Variants in DAB1 observed in about 807,000 individuals in gnomAD.
The protein encoded by DAB1 is disabled homolog 1.
DAB1 carries 15 observed loss-of-function variants against 64.6 expected under a neutral mutation model. That is an observed-to-expected ratio of 0.23 (90% CI 0.16 to 0.36). The LOEUF (loss-of-function observed/expected upper bound fraction) is 0.36, where lower values mean the gene tolerates loss of function less well. DAB1 is among the 10% of genes least tolerant of loss of function. The probability of loss-of-function intolerance (pLI) is 1.00; values close to 1 mark genes in which losing one functional copy is unlikely to be tolerated. For missense variants in DAB1, 596 were observed against 706.7 expected (o/e 0.84, Z 1.78); for synonymous variants, 235 against 251.9 (o/e 0.93, Z 0.64).
intron 7 of DAB1, among the ~76,000 whole-genome samples, chr1:57,528,849 AC>A (rs1163839742): frequency 1.3e-5 from 2 of 152,134 alleles, no homozygotes; most frequent in Non-Finnish European, 2.9e-5. Flanking sequence ...AAGGAAAGTA[AC>A]TAAATATTCA....
rs66787863 is a variant in DAB1, at chr1:58,422,812, C to CA, written n.258-79410dup. Among the ~76,000 whole-genome samples the CA allele has an allele frequency of 2.2e-3, 326 of 149,042 alleles. 2 individuals carry two copies. The highest frequency in any genetic ancestry group is 6.3e-3 in the African/African-American group (254 of 40,468). ...AGTGGAGCCTCTGCTAATGCTACTG[C>CA]AAAAAAAAAGAAAAAAATCAAGCCT... On this transcript the variant is annotated intron_variant and non_coding_transcript_variant, in intron 3 of 20. Coordinates refer to the DAB1 transcript ENST00000485760.
At chr1:58,407,398 T>A (rs1304169044) in intron 3 of DAB1, among the ~76,000 whole-genome samples, 2 of 152,226 alleles carry the variant, frequency 1.3e-5, no homozygotes, top group Non-Finnish European at 2.9e-5. Flanking sequence ...TCCTAGCATG[T>A]AGATATTTGT....
chr1:57,669,753 G>A (rs1161884069), intron 6 of DAB1, among the ~76,000 whole-genome samples: 1 of 152,124 alleles, frequency 6.6e-6, no homozygotes, highest in Non-Finnish European at 1.5e-5. Flanking sequence ...GAGGAAGGGT[G>A]TCACTTTCTA....
At chr1:57,726,173 A>C (rs1647207456) in intron 6 of DAB1, among the ~76,000 whole-genome samples, 1 of 152,240 alleles carries the variant, frequency 6.6e-6, no homozygotes, top group Non-Finnish European at 1.5e-5. Flanking sequence ...GGGAGAAAAT[A>C]GAAGAGTAAA....
chr1:57,494,046 G>A (rs1025649229), intron 7 of DAB1, among the ~76,000 whole-genome samples: 4 of 152,078 alleles, frequency 2.6e-5, no homozygotes, highest in African/African-American at 7.2e-5. Flanking sequence ...TCTGGTGTGA[G>A]AATTAAATGT....
At chr1:57,036,640 G>T (rs983833246) in intron 9 of DAB1, among the ~76,000 whole-genome samples, 3 of 152,030 alleles carry the variant, frequency 2.0e-5, no homozygotes, top group Non-Finnish European at 4.4e-5. Flanking sequence ...GTTTCTTACA[G>T]ATTTTTTTCA....
chr1:58,229,448 T>C (rs1297892159), intron 4 of DAB1, among the ~76,000 whole-genome samples: 1 of 152,164 alleles, frequency 6.6e-6, no homozygotes, highest in African/African-American at 2.4e-5. Flanking sequence ...CCAGGTCCTG[T>C]GTAGGACTCT....
At chr1:58,458,402 T>C (rs1645211452) in intron 3 of DAB1, among the ~76,000 whole-genome samples, 1 of 152,218 alleles carries the variant, frequency 6.6e-6, no homozygotes, top group Admixed American at 6.5e-5. Context: ...AGTGATCAGC[T>C]GGTCAATTTG....
At chr1:57,333,209 C>A (rs943000530) in intron 1 of DAB1, among the ~76,000 whole-genome samples, 2 of 152,178 alleles carry the variant, frequency 1.3e-5, no homozygotes, top group African/African-American at 2.4e-5. Flanking sequence ...AGGAACTTTG[C>A]CTGTTTTGTT....
intron 6 of DAB1, among the ~76,000 whole-genome samples, chr1:57,802,212 A>T (rs1237884493): frequency 2.6e-5 from 4 of 152,180 alleles, no homozygotes. Flanking sequence ...AATTCCAACA[A>T]TGAGGACTGG....
intron 5 of DAB1, among the ~76,000 whole-genome samples, chr1:58,070,686 C>T (rs986063258): frequency 2.0e-5 from 3 of 152,192 alleles, no homozygotes; most frequent in South Asian, 2.1e-4. Context: ...GATAGGCATG[C>T]GAGGAGTGGC....
intron 7 of DAB1, among the ~76,000 whole-genome samples, chr1:57,531,148 G>A (rs1259221024): frequency 6.6e-6 from 1 of 152,202 alleles, no homozygotes; most frequent in Non-Finnish European, 1.5e-5. Flanking sequence ...CACAAAAGAA[G>A]TGAAAATGGC....
intron 7 of DAB1, among the ~76,000 whole-genome samples, chr1:57,441,926 C>A (rs1685975003): frequency 6.6e-6 from 1 of 152,206 alleles, no homozygotes; most frequent in South Asian, 2.1e-4. Context: ...TCCCTTTACT[C>A]CACAGCCTTG....
chr1:58,148,665 G>C (rs1411807579), intron 5 of DAB1, among the ~76,000 whole-genome samples: 1 of 152,150 alleles, frequency 6.6e-6, no homozygotes, highest in African/African-American at 2.4e-5. Context: ...AGGAGCAAAG[G>C]CATGTCTTAC....
At chr1:57,796,256 G>A (rs539148604) in intron 6 of DAB1, among the ~76,000 whole-genome samples, 4 of 152,100 alleles carry the variant, frequency 2.6e-5, no homozygotes, top group East Asian at 1.9e-4. Flanking sequence ...GGCTGGGCGC[G>A]GTGGCTCACG....
intron 4 of DAB1, among the ~76,000 whole-genome samples, chr1:58,167,406 T>C (rs567084756): frequency 2.4e-4 from 36 of 151,738 alleles, no homozygotes; most frequent in Admixed American, 7.2e-4. Context: ...TAAAGGATTG[T>C]AAATGCACCA....
At chr1:57,426,935 C>T (rs1685313363), upstream of DAB1, among the ~76,000 whole-genome samples, 2 of 151,010 alleles carry the variant, frequency 1.3e-5, no homozygotes, top group African/African-American at 4.9e-5. Flanking sequence ...GCGATCTCGG[C>T]TCACTGCAAG....
chr1:57,311,522 C>CCACACACA (rs3042913), intron 1 of DAB1, among the ~76,000 whole-genome samples: 10 of 149,970 alleles, frequency 6.7e-5, no homozygotes, highest in Admixed American at 2.0e-4. Context: ...CTGCCAACCA[C>CCACACACA]CACACACACA....
intron 6 of DAB1, among the ~76,000 whole-genome samples, chr1:57,719,988 GT>G (rs1647131702): frequency 6.6e-6 from 1 of 152,244 alleles, no homozygotes; most frequent in Admixed American, 6.5e-5. Context: ...TTGACATTTA[GT>G]TGTTCCCATC....
Sources: allele counts gnomAD v4.1 joint callset (sites outside exome capture counted in the v4.1 genomes callset), GRCh38; gene constraint gnomAD v4.1.1; transcripts MANE v1.5; gene names NCBI Gene and HGNC (gene_info 2026-07-23, HGNC 2026-07-21).